PLA2G7: variants seen among roughly 807,000 people sequenced by gnomAD.
PLA2G7 encodes phospholipase A2 group VII, also known as platelet-activating factor acetylhydrolase.
PLA2G7 carries 63 observed loss-of-function variants against 49.6 expected under a neutral mutation model. The observed-to-expected ratio is 1.27, with a 90% CI of 1.04 to 1.57. PLA2G7 has a LOEUF of 1.57. PLA2G7 is among the 40% of genes most tolerant of loss of function. The pLI, the probability that PLA2G7 is intolerant of heterozygous loss-of-function variation, is 0.00. For missense variants in PLA2G7, 596 were observed against 521.2 expected (o/e 1.14, Z -1.40); for synonymous variants, 193 against 169.9 (o/e 1.14, Z -1.06).
rs947608643 is a variant in PLA2G7 at position 46,731,368 on chromosome 6, T to G, written c.-35+3812A>C. Among the ~76,000 whole-genome samples the G allele has an allele frequency of 3.3e-5, 5 of 152,332 alleles. No individual in the cohort carries two copies. The East Asian group carries it at 9.6e-4, about 29-fold the overall frequency. On this transcript the variant is annotated intron_variant, in intron 1 of 11. Transcript: ENST00000274793. ...CTGCTGCCATATAGATATTTTCAGT[T>G]ATCTACAAATCTTTGCACTCACAGA...
intron 1 of PLA2G7, among the ~76,000 whole-genome samples, chr6:46,727,294 A>G (rs1314594180): frequency 6.6e-6 from 1 of 152,210 alleles, no homozygotes. Flanking sequence ...AAGACAACCC[A>G]AAACAATAGA....
chr6:46,710,401 C>T (rs1411753100), intron 8 of PLA2G7, 144 bp downstream of exon 8: 2 of 673,952 alleles, frequency 3.0e-6, no homozygotes, highest in Admixed American at 4.4e-5. Flanking sequence ...ACCTGTACTG[C>T]TTTGTGTGTC....
At chr6:46,707,941 C>G (rs201323854) in intron 10 of PLA2G7, 50 bp downstream of exon 10, 2 of 1,167,664 alleles carry the variant, frequency 1.7e-6, no homozygotes, top group East Asian at 4.7e-5. Flanking sequence ...TTGATATTTA[C>G]CCAAGCTTCA....
chr6:46,709,964 A>G (rs1389100606), intron 8 of PLA2G7, among the ~76,000 whole-genome samples: 2 of 152,130 alleles, frequency 1.3e-5, no homozygotes, highest in Non-Finnish European at 1.5e-5. Context: ...TGGAGTCTTG[A>G]AATTAGGTAG....
intron 10 of PLA2G7, among the ~76,000 whole-genome samples, chr6:46,705,738 A>T (rs1764799021): frequency 1.3e-5 from 2 of 152,190 alleles, no homozygotes; most frequent in Admixed American, 1.3e-4. Flanking sequence ...TAAGCCTTAG[A>T]GGAAACAGAT....
At chr6:46,718,713 C>G (rs899209248) in intron 2 of PLA2G7, among the ~76,000 whole-genome samples, 1 of 152,190 alleles carries the variant, frequency 6.6e-6, no homozygotes, top group African/African-American at 2.4e-5. Flanking sequence ...CAGACTTAAT[C>G]ATTTCATCCT....
chr6:46,722,646 A>G, intron 2 of PLA2G7, 137 bp downstream of exon 2: 2 of 677,488 alleles, frequency 3.0e-6, no homozygotes. Context: ...CCTCTCCCCT[A>G]CTCCAGGAGA....
At position 46,705,195 on chromosome 6, in the gene PLA2G7, G is replaced by A. The variant is rs1764769734; in HGVS notation, c.1147C>T (p.Leu383Phe). The A allele has an allele frequency of 3.1e-6, 5 of 1,608,636 alleles. No homozygotes were observed. The South Asian group carries it at 5.5e-5, about 18-fold the overall frequency. ...GDIDSNVAID[L>F]SNKASLAFLQ... ...AATGCTAATGAAGCTTTGTTGCTAA[G>A]ATCAATAGCTACATTTGAATCTATG... is the stretch of plus-strand genomic sequence containing the variant. The change falls in exon 11 of 12, where the codon CTT (leucine) becomes TTT (phenylalanine). Residue 383 changes from leucine to phenylalanine, a missense_variant. By Grantham distance (22) the Leu-to-Phe change is conservative. Coordinates refer to ENST00000274793, the MANE Select transcript of PLA2G7 (RefSeq NM_005084.4).
chr6:46,720,000 C>T (rs570643060), intron 2 of PLA2G7, among the ~76,000 whole-genome samples: 14 of 152,310 alleles, frequency 9.2e-5, no homozygotes, highest in African/African-American at 2.9e-4. Context: ...AAAAGAGTAT[C>T]TACTGAGCCA....
chr6:46,732,568 T>C (rs1014877352), intron 1 of PLA2G7, among the ~76,000 whole-genome samples: 1 of 152,152 alleles, frequency 6.6e-6, no homozygotes, highest in African/African-American at 2.4e-5. Flanking sequence ...TAAATATTTT[T>C]TGAAGTGAAT....
At chr6:46,704,868 G>A (rs1324599558) in intron 11 of PLA2G7, among the ~76,000 whole-genome samples, 172 bp from the exon 12 acceptor site, 2 of 152,180 alleles carry the variant, frequency 1.3e-5, no homozygotes, top group Non-Finnish European at 2.9e-5. Flanking sequence ...GAATGCAAAC[G>A]GGATAGGAGT....
intron 1 of PLA2G7, among the ~76,000 whole-genome samples, chr6:46,725,921 A>G (rs1431025505): frequency 6.6e-6 from 1 of 152,244 alleles, no homozygotes; most frequent in East Asian, 1.9e-4. Flanking sequence ...GTGTATTCAC[A>G]AGGAGCCTTC....
Position 46,722,888 on chromosome 6 carries a change from C to G in PLA2G7, c.4G>C (p.Val2Leu), listed in dbSNP as rs375665450. 6.2e-6 allele frequency: 10 copies of G among 1,603,882 alleles called. No individual in the cohort carries two copies. In the South Asian group the frequency reaches 1.1e-4, roughly 18 times the overall value. ...AAAAGCACATGCAATTTGGGTGGCA[C>G]CATCTTGGGAGCTGAGCAGCAGTTT... M[V>L]PPKLHVLFCL... The change falls in exon 2 of 12, where the codon GTG (valine) becomes CTG (leucine). Residue 2 changes from valine to leucine, a missense_variant. Transcript: ENST00000274793.
At chr6:46,706,000 A>G (rs1025329036) in intron 10 of PLA2G7, among the ~76,000 whole-genome samples, 3 of 151,874 alleles carry the variant, frequency 2.0e-5, no homozygotes, top group African/African-American at 7.3e-5. Flanking sequence ...CCCATTTCCC[A>G]TTGGCTGAAT....
chr6:46,708,155 A>G lies in PLA2G7; in HGVS notation c.876T>C (p.Gly292=). The part of the protein sequence containing the change: ...TLSEDQRFRC[G]IALDAWMFPL... The stretch of plus-strand genomic sequence containing the variant: ...GAAACATCCATGCATCCAGGGCAAT[A>G]CCACATCTGTAGATATTTGTTGACA... Residue 292 remains glycine (G), a synonymous_variant, in exon 10 of 12, where the codon GGT becomes GGC. Coordinates refer to ENST00000274793, the MANE Select transcript of PLA2G7 (RefSeq NM_005084.4). 1.2e-6 allele frequency: 2 copies of G among 1,609,838 alleles called. No homozygotes were observed. The highest frequency in any genetic ancestry group is 1.7e-6 in the Non-Finnish European group (2 of 1,176,250).
chr6:46,704,369 T>G lies in PLA2G7; in HGVS notation c.*191A>C. The G allele has an allele frequency of 8.6e-6, 5 of 582,910 alleles. No homozygotes were observed. The Admixed American group carries it at 8.7e-5, about 10-fold the overall frequency. The allele number at this position is 582,910 out of a possible 1,614,324, so 36.1% of individuals were successfully genotyped here. On this transcript the variant is annotated 3_prime_UTR_variant, in exon 12 of 12. Transcript: ENST00000274793. ...ACATCTAAAGGGAAAAAATTCTTAGTCCAAGCTTCAATCACGATTACAGTA... is the reference window on the plus strand; with the variant it reads ...ACATCTAAAGGGAAAAAATTCTTAGGCCAAGCTTCAATCACGATTACAGTA...
chr6:46,714,328 C>T (rs1331782969), intron 5 of PLA2G7, 132 bp downstream of exon 5: 6 of 754,404 alleles, frequency 8.0e-6, no homozygotes, highest in African/African-American at 1.7e-5. Context: ...GACCCACAGC[C>T]AATTATTGAG....
intron 10 of PLA2G7, 106 bp from the exon 11 acceptor site, chr6:46,705,407 A>T (rs747514132): frequency 4.6e-6 from 4 of 878,402 alleles, no homozygotes; most frequent in Non-Finnish European, 7.2e-6. Context: ...TTTACTGAAA[A>T]CCAAAGAAGA....
intron 8 of PLA2G7, 115 bp downstream of exon 8, chr6:46,710,430 A>AG: frequency 1.4e-6 from 1 of 716,184 alleles, no homozygotes; most frequent in Non-Finnish European, 2.5e-6. Context: ...CGCATTGGGG[A>AG]GGGGGCTGGT....
Sources: allele counts gnomAD v4.1 joint callset (sites outside exome capture counted in the v4.1 genomes callset), GRCh38; gene constraint gnomAD v4.1.1; transcripts MANE v1.5; gene names NCBI Gene and HGNC (gene_info 2026-07-23, HGNC 2026-07-21).